The following OSBPL8 variants were observed in gnomAD, a reference collection of about 807,000 sequenced individuals.
OSBPL8 encodes the protein oxysterol-binding protein-related protein 8.
A neutral mutation model predicts 125.5 loss-of-function variants in OSBPL8; 59 were observed. The observed-to-expected ratio is 0.47, with a 90% CI of 0.38 to 0.58. OSBPL8 has a LOEUF of 0.58. Ranked by LOEUF, OSBPL8 falls within the 20% of genes least tolerant of loss-of-function variation. The pLI is 0.00. For missense variants in OSBPL8, 758 were observed against 1,047.8 expected, an observed-to-expected ratio of 0.72 and a Z score of 3.82; for synonymous variants, 330 against 338.9, an observed-to-expected ratio of 0.97 and a Z score of 0.29.
Position 76,392,686 on chromosome 12 carries a change from A to T in OSBPL8, c.824T>A (p.Ile275Asn). The change falls in exon 10 of 24, where the codon ATC (isoleucine) becomes AAC (asparagine). Residue 275 changes from isoleucine (I) to asparagine (N), a missense_variant. Transcript: ENST00000261183. ...KCSSLLKRTM[I>N]REGKEHDLSV... ...CAGGTCATGTTCCTTTCCTTCTCTG[A>T]TCATTGTACGTTTAAGAAGACTAGA... The T allele has an allele frequency of 6.2e-7, 1 of 1,614,058 alleles. No individual in the cohort carries two copies. The highest frequency in any genetic ancestry group is 1.3e-5 in the African/African-American group (1 of 75,056).
intron 5 of OSBPL8, among the ~76,000 whole-genome samples, chr12:76,409,938 C>T (rs767613214): frequency 2.0e-5 from 3 of 152,096 alleles, no homozygotes; most frequent in Admixed American, 1.3e-4. Context: ...CCAGAAAGAA[C>T]AGCCAAAAGT....
At chr12:76,397,619 TTTGA>T (rs1953866536) in intron 8 of OSBPL8, 71 bp downstream of exon 8, 11 of 1,396,080 alleles carry the variant, frequency 7.9e-6, no homozygotes, top group Admixed American at 2.0e-5. Context: ...ACTAAACTCA[TTTGA>T]TTGATGTATC....
intron 4 of OSBPL8, among the ~76,000 whole-genome samples, chr12:76,435,032 T>A (rs145778600): frequency 6.6e-6 from 1 of 152,240 alleles, no homozygotes; most frequent in African/African-American, 2.4e-5. Context: ...GAAACCTGTA[T>A]CTCAAGGAGA....
intron 3 of OSBPL8, among the ~76,000 whole-genome samples, chr12:76,454,284 A>C (rs1223601937): frequency 6.6e-6 from 1 of 152,262 alleles, no homozygotes; most frequent in Non-Finnish European, 1.5e-5. Context: ...TCATCAATTG[A>C]AAAATGAATT....
Position 76,394,229 on chromosome 12 carries a change from A to G in OSBPL8, c.757+416T>C, listed in dbSNP as rs149333180. The stretch of plus-strand genomic sequence containing the variant: ...ATTTGCTTCATGAATTAAGTGTTAA[A>G]GGAGGAATAAAAAAGGTTGTACTCG... On this transcript the variant is annotated intron_variant, in intron 9 of 23. Transcript: ENST00000261183. 2.9e-3 allele frequency among the ~76,000 whole-genome samples: 438 copies of G among 152,246 alleles called. 2 individuals carry two copies. Among genetic ancestry groups the G allele is most frequent in the African/African-American group, 0.01 (421 of 41,552 alleles).
At chr12:76,492,158 T>A (rs983044840) in intron 1 of OSBPL8, among the ~76,000 whole-genome samples, 7 of 152,126 alleles carry the variant, frequency 4.6e-5, no homozygotes, top group African/African-American at 1.7e-4. Flanking sequence ...GTTACAATTT[T>A]AAATAGGATG....
At chr12:76,435,334 T>C (rs993843068) in intron 4 of OSBPL8, among the ~76,000 whole-genome samples, 1 of 152,102 alleles carries the variant, frequency 6.6e-6, no homozygotes, top group Non-Finnish European at 1.5e-5. Context: ...CTCTTATATG[T>C]AGAATTTAAA....
intron 2 of OSBPL8, among the ~76,000 whole-genome samples, chr12:76,463,180 A>T (rs543880117): frequency 6.6e-6 from 1 of 152,308 alleles, no homozygotes; most frequent in South Asian, 2.1e-4. Flanking sequence ...CGTGGACCAA[A>T]GTGTTAGCAG....
At chr12:76,426,150 T>C (rs1047054090) in intron 4 of OSBPL8, among the ~76,000 whole-genome samples, 2 of 152,244 alleles carry the variant, frequency 1.3e-5, no homozygotes, top group African/African-American at 4.8e-5. Flanking sequence ...ACAAATAGGC[T>C]GATCTCAGCC....
intron 1 of OSBPL8, among the ~76,000 whole-genome samples, chr12:76,548,266 T>C (rs1354512494): frequency 6.6e-6 from 1 of 152,084 alleles, no homozygotes; most frequent in Non-Finnish European, 1.5e-5. Flanking sequence ...TATGTGAGAT[T>C]GATAGAAATA....
chr12:76,377,379 T>C (rs1010682362), intron 16 of OSBPL8, among the ~76,000 whole-genome samples: 29 of 152,176 alleles, frequency 1.9e-4, no homozygotes, highest in African/African-American at 6.8e-4. Flanking sequence ...TGAACTAATT[T>C]ACACTCCCAC....
chr12:76,514,797 A>G (rs1048061582), intron 1 of OSBPL8, among the ~76,000 whole-genome samples: 11 of 152,194 alleles, frequency 7.2e-5, no homozygotes, highest in Non-Finnish European at 8.8e-5. Flanking sequence ...CCAATGATTC[A>G]TAGATTTAGC....
intron 1 of OSBPL8, among the ~76,000 whole-genome samples, chr12:76,554,608 A>G (rs182612047): frequency 2.0e-5 from 3 of 152,310 alleles, no homozygotes; most frequent in African/African-American, 7.2e-5. Context: ...ATGTGATGAC[A>G]TGTCAAGTAC....
rs1267216202 is a variant in OSBPL8 at position 76,527,232 on chromosome 12, AG to A, written c.-68+32164del. 9.5e-5 allele frequency among the ~76,000 whole-genome samples: 10 copies of A among 104,872 alleles called. No individual in the cohort carries two copies. The East Asian group carries it at 2.6e-3, about 27-fold the overall frequency. The allele number at this position is 104,872 out of a possible 152,430, so 68.8% of individuals were successfully genotyped here. The stretch of plus-strand genomic sequence containing the variant: ...CTGTCTTTAGAGTAATAAATTAAGG[AG>A]GGTGGTGGGCCGGGGTGGGGGGGGA... On this transcript the variant is annotated intron_variant, in intron 1 of 23. Coordinates refer to ENST00000261183, the MANE Select transcript of OSBPL8 (RefSeq NM_020841.5).
intron 17 of OSBPL8, among the ~76,000 whole-genome samples, chr12:76,374,446 T>C (rs1952736137): frequency 6.6e-6 from 1 of 152,034 alleles, no homozygotes; most frequent in African/African-American, 2.4e-5. Context: ...ATGGTGGAAG[T>C]GATATAATTT....
intron 4 of OSBPL8, among the ~76,000 whole-genome samples, chr12:76,421,092 A>G (rs1869417825): frequency 6.6e-6 from 1 of 152,074 alleles, no homozygotes; most frequent in African/African-American, 2.4e-5. Flanking sequence ...TCAAGGTCAC[A>G]TGATTATTCT....
chr12:76,427,641 A>G (rs1870306745), intron 4 of OSBPL8, among the ~76,000 whole-genome samples: 2 of 152,048 alleles, frequency 1.3e-5, no homozygotes, highest in Admixed American at 1.3e-4. Context: ...CATTATATAT[A>G]CCTTTGTGAT....
intron 5 of OSBPL8, among the ~76,000 whole-genome samples, chr12:76,405,294 A>G (rs1183553740): frequency 1.3e-5 from 2 of 152,076 alleles, no homozygotes; most frequent in Admixed American, 6.6e-5. Flanking sequence ...CACCGTCTCT[A>G]TGAAAAATAA....
At chr12:76,483,550 C>T (rs148056379) in intron 2 of OSBPL8, among the ~76,000 whole-genome samples, 2,724 of 150,772 alleles carry the variant, frequency 0.018, 30 homozygotes, top group Non-Finnish European at 0.029. Context: ...GGCAACAGAG[C>T]GAGACTCTGT....
Sources: gnomAD v4.1 joint callset for allele counts (sites outside exome capture counted in the v4.1 genomes callset) on GRCh38, gnomAD v4.1.1 for gene constraint, MANE v1.5 for transcripts, NCBI Gene and HGNC (gene_info 2026-07-23, HGNC 2026-07-21) for gene names.